Variants in TUBGCP6 observed in about 807,000 individuals in gnomAD.
TUBGCP6 encodes gamma-tubulin complex component 6.
Under a neutral mutation model 175.8 loss-of-function variants are expected in TUBGCP6, and 161 were observed. That is an observed-to-expected ratio of 0.92 (90% CI 0.81 to 1.04). The LOEUF (loss-of-function observed/expected upper bound fraction) is 1.04. TUBGCP6 is among the 50% of genes least tolerant of loss of function. The pLI, the probability that TUBGCP6 is intolerant of heterozygous loss-of-function variation, is 0.00. For synonymous variants in TUBGCP6, 1,173 were observed against 1,030.5 expected (o/e 1.14, Z -2.65); for missense variants, 2,572 against 2,433.0 (o/e 1.06, Z -1.20).
Position 50,233,656 on chromosome 22 carries a change from CAT to C in TUBGCP6, c.906-132_906-131del, listed in dbSNP as rs576734329. 8.4e-4 allele frequency: 775 copies of C among 917,970 alleles called. 1 individual carries two copies. The highest frequency in any genetic ancestry group is 1.1e-3 in the Non-Finnish European group (667 of 606,816). 56.9% of individuals were successfully genotyped at this position (917,970 alleles called of 1,614,324 possible). ...ATTCAAAACAATAAACTCTAAGAAA[CAT>C]AGCCAGGTATGAATGTCAGCTCACC... On this transcript the variant is annotated intron_variant, in intron 2 of 24. Coordinates refer to ENST00000248846, the MANE Select transcript of TUBGCP6 (RefSeq NM_020461.4).
At chr22:50,222,824 G>A (rs1471757855) in intron 13 of TUBGCP6, among the ~76,000 whole-genome samples, 1 of 152,258 alleles carries the variant, frequency 6.6e-6, no homozygotes, top group African/African-American at 2.4e-5. Context: ...CGTCCAGCCA[G>A]GGCTCAGCAA....
Position 50,219,203 on chromosome 22 carries a change from GGAGAT to G in TUBGCP6, c.4486_4490del (p.Ile1496LeufsTer21). On this transcript the variant is annotated frameshift_variant and splice_region_variant, in exon 20 of 25. Transcript: ENST00000248846. LOFTEE classifies it high-confidence loss of function. Reference sequence around the variant, plus strand: ...AGTCGACAGCGGCCTTGTTCACCAAGGAGATGCTGGCAGGAGGGAGCTGGAGTCAG... The same window carrying G: ...AGTCGACAGCGGCCTTGTTCACCAAGGCTGGCAGGAGGGAGCTGGAGTCAG... 1.2e-6 allele frequency: 2 copies of G among 1,611,228 alleles called. No individual in the cohort carries two copies. The highest frequency in any genetic ancestry group is 1.7e-6 in the Non-Finnish European group (2 of 1,179,984).
At position 50,218,799 on chromosome 22, in the gene TUBGCP6, C is replaced by A; in HGVS notation, c.4725G>T (p.Pro1575=). The A allele has an allele frequency of 1.2e-6, 2 of 1,614,104 alleles. No individual in the cohort carries two copies. Among genetic ancestry groups the A allele is most frequent in the Non-Finnish European group, 1.7e-6 (2 of 1,180,008 alleles). Residue 1575 remains proline, a synonymous_variant, in exon 21 of 25, where the codon CCG becomes CCT. Coordinates refer to ENST00000248846, the MANE Select transcript of TUBGCP6 (RefSeq NM_020461.4). ...ALQCSLHGDT[P]HASNLSLALK... is the part of the protein sequence containing the mutation. ...GAGCGAGGGAGAGGTTGGAGGCGTG[C>A]GGGGTGTCCCCATGCAGGCTGCACT...
In TUBGCP6 at chr22:50,228,375, G is replaced by A. The variant is rs12168266; in HGVS notation, c.1291-347C>T. Among the ~76,000 whole-genome samples the A allele has an allele frequency of 1.6e-3, 240 of 151,400 alleles. 3 individuals are homozygous for A. The highest frequency in any genetic ancestry group is 5.5e-3 in the African/African-American group (225 of 40,918). ...CTCATCTGAGCCCAGCTGCCCCAGG[G>A]GCATGGCAAAGGGGCTGGGGGGGAA... On this transcript the variant is annotated intron_variant, in intron 4 of 24. Coordinates refer to ENST00000248846, the MANE Select transcript of TUBGCP6 (RefSeq NM_020461.4).
At chr22:50,224,975 A>G (rs1399924668) in intron 10 of TUBGCP6, among the ~76,000 whole-genome samples, 1 of 151,936 alleles carries the variant, frequency 6.6e-6, no homozygotes, top group Non-Finnish European at 1.5e-5. Context: ...TGCCCAGGAC[A>G]CCTGTGGACT....
At chr22:50,243,684 G>A (rs760023759) in intron 1 of TUBGCP6, 35 bp downstream of exon 1, 9 of 1,538,030 alleles carry the variant, frequency 5.9e-6, no homozygotes, top group Non-Finnish European at 7.1e-6. Context: ...TCCAAACCCC[G>A]AGAGAGATGA....
intron 2 of TUBGCP6, among the ~76,000 whole-genome samples, chr22:50,238,794 C>A (rs774492518): frequency 2.0e-5 from 3 of 152,166 alleles, no homozygotes; most frequent in Non-Finnish European, 4.4e-5. Flanking sequence ...GCCTCAGCCT[C>A]CCAAAGGCCA....
Position 50,218,628 on chromosome 22 carries a change from G to A in TUBGCP6, c.4822-8C>T, listed in dbSNP as rs1055288575. On this transcript the variant is annotated splice_region_variant and splice_polypyrimidine_tract_variant and intron_variant, in intron 21 of 24. Coordinates refer to ENST00000248846, the MANE Select transcript of TUBGCP6 (RefSeq NM_020461.4). Reference sequence around the variant, plus strand: ...GTTGAGAGGCCAGTCCACCTGCCAGGAGGCGTGGCTCAGCAGGCATCCCAC... The same window carrying A: ...GTTGAGAGGCCAGTCCACCTGCCAGAAGGCGTGGCTCAGCAGGCATCCCAC... The A allele has an allele frequency of 1.2e-6, 2 of 1,613,896 alleles. No homozygotes were observed. Among genetic ancestry groups the A allele is most frequent in the African/African-American group, 1.3e-5 (1 of 75,044 alleles).
intron 3 of TUBGCP6, 41 bp downstream of exon 3, chr22:50,233,275 C>T: frequency 8.1e-6 from 13 of 1,598,724 alleles, no homozygotes; most frequent in Non-Finnish European, 1.1e-5. Context: ...GGAGGGCAGG[C>T]CAGCCCCACA....
chr22:50,228,888 T>C (rs1363709390), intron 4 of TUBGCP6, among the ~76,000 whole-genome samples: 3 of 152,200 alleles, frequency 2.0e-5, no homozygotes, highest in African/African-American at 7.2e-5. Context: ...CAAACCCAAA[T>C]GCCCCATCAT....
intron 22 of TUBGCP6, 35 bp downstream of exon 22, chr22:50,218,453 G>A: frequency 4.3e-6 from 7 of 1,613,056 alleles, no homozygotes; most frequent in Non-Finnish European, 5.9e-6. Flanking sequence ...CCTCCAGCCA[G>A]GGGTGCGGGG....
At chr22:50,232,445 C>G (rs1220053424) in intron 3 of TUBGCP6, among the ~76,000 whole-genome samples, 1 of 151,484 alleles carries the variant, frequency 6.6e-6, no homozygotes, top group Admixed American at 6.6e-5. Flanking sequence ...GTAGTCCCAG[C>G]TACATGGAGG....
At chr22:50,226,560 G>A (rs2064613180) in intron 7 of TUBGCP6, among the ~76,000 whole-genome samples, 173 bp downstream of exon 7, 2 of 146,822 alleles carry the variant, frequency 1.4e-5, no homozygotes, top group African/African-American at 5.0e-5. Flanking sequence ...GCAGGGTGGG[G>A]GGTGTGGAGT....
At chr22:50,242,820 AT>A (rs2064856526) in intron 1 of TUBGCP6, among the ~76,000 whole-genome samples, 2 of 152,220 alleles carry the variant, frequency 1.3e-5, no homozygotes, top group African/African-American at 4.8e-5. Flanking sequence ...ATTAACTTCA[AT>A]TTAAACGGCA....
chr22:50,224,261 A>G lies in TUBGCP6; in HGVS notation c.2155-5T>C, dbSNP rs1216280745. The G allele has an allele frequency of 7.4e-6, 12 of 1,614,058 alleles. No individual in the cohort carries two copies. The highest frequency in any genetic ancestry group is 1.0e-5 in the Non-Finnish European group (12 of 1,180,040). On this transcript the variant is annotated splice_region_variant and splice_polypyrimidine_tract_variant and intron_variant, in intron 12 of 24. Transcript: ENST00000248846. ...CTGCCTGGCCGCCTGGCGTCGCTAT[A>G]AAACACATAGAGCCTGGCCTGTGAA... is the stretch of plus-strand genomic sequence containing the variant.
At chr22:50,229,082 G>A (rs1056417796) in intron 4 of TUBGCP6, among the ~76,000 whole-genome samples, 13 of 152,070 alleles carry the variant, frequency 8.5e-5, no homozygotes, top group African/African-American at 1.4e-4. Context: ...ACAATGTGCC[G>A]GGCCCACTGG....
At chr22:50,226,652 A>C (rs2064615176) in intron 7 of TUBGCP6, 81 bp downstream of exon 7, 1 of 1,214,506 alleles carries the variant, frequency 8.2e-7, no homozygotes, top group South Asian at 1.3e-5. Flanking sequence ...CACATTCAGC[A>C]GGTGTCTGAC....
Position 50,244,317 on chromosome 22 carries a change from T to G in TUBGCP6, c.143A>C (p.Asn48Thr). ...KKVAYNALFT[N>T]LFQDETQQLQ... ...CTGTTGAGTCTCATCTTGAAAAAGA[T>G]TTGTGAAAAGAGCATTGTAGGCCAC... is the stretch of plus-strand genomic sequence containing the variant. The change falls in exon 1 of 25, where the codon AAT becomes ACT. Residue 48 changes from asparagine (N) to threonine (T), a missense_variant. Asn to Thr is a moderately conservative substitution (Grantham distance 65). Coordinates refer to ENST00000248846, the MANE Select transcript of TUBGCP6 (RefSeq NM_020461.4). The G allele has an allele frequency of 6.2e-7, 1 of 1,613,638 alleles. No individual in the cohort carries two copies. Among genetic ancestry groups the G allele is most frequent in the African/African-American group, 1.3e-5 (1 of 75,050 alleles).
At chr22:50,228,276 AG>A (rs945754639) in intron 4 of TUBGCP6, among the ~76,000 whole-genome samples, 2 of 52,800 alleles carry the variant, frequency 3.8e-5, no homozygotes, top group Admixed American at 3.2e-4. Flanking sequence ...CAGCTGCCCC[AG>A]GGGCGCCCAC....
Sources: allele counts gnomAD v4.1 joint callset (sites outside exome capture counted in the v4.1 genomes callset), GRCh38; gene constraint gnomAD v4.1.1; transcripts MANE v1.5; gene names NCBI Gene and HGNC (gene_info 2026-07-23, HGNC 2026-07-21).